The following CPQ variants were observed in gnomAD, a reference collection of about 807,000 sequenced individuals.
CPQ encodes the protein Ser-Met dipeptidase.
In CPQ, 37 loss-of-function variants were observed where a neutral mutation model predicts 45.7. That is an observed-to-expected ratio of 0.81 (90% CI 0.62 to 1.07). The LOEUF (loss-of-function observed/expected upper bound fraction) is 1.07. CPQ is among the 50% of genes least tolerant of loss of function. The probability of loss-of-function intolerance (pLI) is 0.00; values close to 1 mark genes in which losing one functional copy is unlikely to be tolerated. For synonymous variants in CPQ, 186 were observed against 205.8 expected, an observed-to-expected ratio of 0.90 and a Z score of 0.82; for missense variants, 537 against 572.9, an observed-to-expected ratio of 0.94 and a Z score of 0.64.
chr8:97,036,861 T>A (rs1176815465), intron 6 of CPQ, among the ~76,000 whole-genome samples: 8 of 152,222 alleles, frequency 5.3e-5, no homozygotes, highest in African/African-American at 1.9e-4. Flanking sequence ...AACCTTTTCC[T>A]GATTTATTGC....
At chr8:96,794,257 C>T (rs1810894638) in intron 2 of CPQ, among the ~76,000 whole-genome samples, 1 of 152,212 alleles carries the variant, frequency 6.6e-6, no homozygotes, top group South Asian at 2.1e-4. Flanking sequence ...GGTGGAGGTT[C>T]CCAAACCCCA....
At chr8:96,983,156 G>C (rs537784428) in intron 5 of CPQ, among the ~76,000 whole-genome samples, 1 of 152,100 alleles carries the variant, frequency 6.6e-6, no homozygotes, top group African/African-American at 2.4e-5. Context: ...ATAAAAAATG[G>C]TATCATATAG....
intron 1 of CPQ, among the ~76,000 whole-genome samples, chr8:96,713,977 G>A (rs1217630177): frequency 6.6e-6 from 1 of 152,160 alleles, no homozygotes; most frequent in East Asian, 1.9e-4. Context: ...AACTCCTTCT[G>A]GCTTGTAAGG....
At chr8:96,983,040 A>G (rs375238466) in intron 5 of CPQ, among the ~76,000 whole-genome samples, 1 of 152,288 alleles carries the variant, frequency 6.6e-6, no homozygotes, top group South Asian at 2.1e-4. Context: ...AAAGTTACCA[A>G]TACAGTTGAA....
Position 96,861,188 on chromosome 8 carries a change from C to A in CPQ, c.642-18610C>A, listed in dbSNP as rs138617365. Among the ~76,000 whole-genome samples the A allele has an allele frequency of 1.2e-4, 18 of 152,172 alleles. 1 individual carries two copies. The highest frequency in any genetic ancestry group is 4.1e-4 in the African/African-American group (17 of 41,516). On this transcript the variant is annotated intron_variant, in intron 3 of 7. Coordinates refer to ENST00000220763, the MANE Select transcript of CPQ (RefSeq NM_016134.4). ...AAATTGTCTAGATTGTACTTCTAAG[C>A]CAGCATGAGCATTTTAGAATATAAG...
chr8:96,651,406 T>A (rs1815574631), intron 1 of CPQ, among the ~76,000 whole-genome samples: 1 of 152,242 alleles, frequency 6.6e-6, no homozygotes, highest in African/African-American at 2.4e-5. Context: ...ACTGTTATAT[T>A]AGACCCAGAG....
chr8:96,827,490 G>T (rs1218855969), intron 2 of CPQ, among the ~76,000 whole-genome samples: 1 of 152,086 alleles, frequency 6.6e-6, no homozygotes, highest in Non-Finnish European at 1.5e-5. Flanking sequence ...AGTAGGCTTG[G>T]TATTTACTGA....
chr8:97,044,285 A>C (rs1226744300), intron 6 of CPQ, among the ~76,000 whole-genome samples: 1 of 152,112 alleles, frequency 6.6e-6, no homozygotes, highest in African/African-American at 2.4e-5. Flanking sequence ...TCGGCTCCTG[A>C]GGCTTCTGCA....
chr8:97,099,757 T>G (rs948680019), intron 7 of CPQ, among the ~76,000 whole-genome samples: 1 of 152,188 alleles, frequency 6.6e-6, no homozygotes, highest in Non-Finnish European at 1.5e-5. Flanking sequence ...GAAATGGATA[T>G]TTTGGATCTT....
intron 1 of CPQ, among the ~76,000 whole-genome samples, chr8:96,748,619 T>G (rs189475604): frequency 6.6e-6 from 1 of 152,158 alleles, no homozygotes; most frequent in African/African-American, 2.4e-5. Flanking sequence ...TTACCTAATA[T>G]ATTTTCTATC....
In CPQ at chr8:96,934,490, G is replaced by A. The variant is rs191388137; in HGVS notation, c.850-31445G>A. ...CCTCACCTCTGGGGCAGCCTTACTC[G>A]TGGAGAAGAATGGATAATAGGAAGG... On this transcript the variant is annotated intron_variant, in intron 4 of 7. Transcript: ENST00000220763. 1.7e-3 allele frequency among the ~76,000 whole-genome samples: 253 copies of A among 152,256 alleles called. 2 individuals are homozygous for A. Among genetic ancestry groups the A allele is most frequent in the Admixed American group, 0.012 (189 of 15,296 alleles).
intron 6 of CPQ, among the ~76,000 whole-genome samples, chr8:97,037,445 T>C (rs1023983208): frequency 6.6e-6 from 1 of 152,206 alleles, no homozygotes; most frequent in South Asian, 2.1e-4. Flanking sequence ...ATATCTTTAA[T>C]GTTCTGTGCA....
Position 96,807,423 on chromosome 8 carries a change from C to T in CPQ, c.433+22093C>T, listed in dbSNP as rs186938379. Reference sequence around the variant, plus strand: ...TGATTTTTTGTATTTTTAGTAGAGACGGGGTTTCACCGTGTTAGCCAGGAT... The same window carrying T: ...TGATTTTTTGTATTTTTAGTAGAGATGGGGTTTCACCGTGTTAGCCAGGAT... On this transcript the variant is annotated intron_variant, in intron 2 of 7. Coordinates refer to ENST00000220763, the MANE Select transcript of CPQ (RefSeq NM_016134.4). Among the ~76,000 whole-genome samples, 905 of 151,926 alleles carry T rather than the reference C, an allele frequency of 6.0e-3. 12 individuals are homozygous for T. The Middle Eastern group carries it at 0.082, about 14-fold the overall frequency.
At chr8:96,926,584 CT>C (rs1554578098) in intron 4 of CPQ, among the ~76,000 whole-genome samples, 4 of 138,922 alleles carry the variant, frequency 2.9e-5, no homozygotes, top group East Asian at 2.1e-4. Context: ...TCCTCTTCTT[CT>C]TCTTCTTCTT....
chr8:96,745,507 G>A (rs1810168044), intron 1 of CPQ, among the ~76,000 whole-genome samples: 1 of 152,166 alleles, frequency 6.6e-6, no homozygotes, highest in Non-Finnish European at 1.5e-5. Flanking sequence ...TATGTGCCAG[G>A]AAAATTGCTA....
intron 1 of CPQ, among the ~76,000 whole-genome samples, chr8:96,724,523 A>ACACC (rs1809809679): frequency 7.1e-6 from 1 of 141,264 alleles, no homozygotes; most frequent in Admixed American, 7.0e-5. Context: ...ACACACACAC[A>ACACC]CACCCCTAGG....
chr8:96,955,305 T>G (rs1490156252), intron 4 of CPQ, among the ~76,000 whole-genome samples: 1 of 152,284 alleles, frequency 6.6e-6, no homozygotes, highest in East Asian at 1.9e-4. Flanking sequence ...TGGTGTGAGA[T>G]GGTATCTCAT....
intron 7 of CPQ, among the ~76,000 whole-genome samples, chr8:97,075,827 C>A (rs1250831571): frequency 1.3e-5 from 2 of 152,078 alleles, no homozygotes; most frequent in Non-Finnish European, 2.9e-5. Flanking sequence ...TCATGAACCC[C>A]CATGCACCCA....
chr8:96,777,744 ATATATATATATATATATTTTTTTTTTTT>A (rs1466730342), intron 1 of CPQ, among the ~76,000 whole-genome samples: 79 of 23,764 alleles, frequency 3.3e-3, no homozygotes, highest in South Asian at 8.3e-3. Flanking sequence ...ATATATATAT[ATATATATATATATATATTTTTTTTTTTT>A]TTTTTTTTTT....
Sources: allele counts gnomAD v4.1 joint callset (sites outside exome capture counted in the v4.1 genomes callset), GRCh38; gene constraint gnomAD v4.1.1; transcripts MANE v1.5; gene names NCBI Gene and HGNC (gene_info 2026-07-23, HGNC 2026-07-21).